The following MGAT5 variants were observed in gnomAD, a reference collection of about 807,000 sequenced individuals.
MGAT5 encodes alpha-1,6-mannosylglycoprotein 6-beta-N-acetylglucosaminyltransferase A.
In MGAT5, 30 loss-of-function variants were observed where a neutral mutation model predicts 94.3. The ratio of observed to expected loss-of-function variants is 0.32; its 90% confidence interval spans 0.24 to 0.43. MGAT5 has a LOEUF of 0.43. Among genes scored for constraint, MGAT5 ranks in the 20% least tolerant of loss-of-function variants. MGAT5 has a pLI of 1.00. For synonymous variants in MGAT5, 310 were observed against 322.9 expected (o/e 0.96, Z 0.43); for missense variants, 691 against 905.5 (o/e 0.76, Z 3.04).
At chr2:134,358,596 G>A (rs893813913) in intron 9 of MGAT5, among the ~76,000 whole-genome samples, 5 of 151,956 alleles carry the variant, frequency 3.3e-5, no homozygotes, top group African/African-American at 7.2e-5. Flanking sequence ...CCAGGCTGGC[G>A]CTGGGGTTTC....
intron 1 of MGAT5, among the ~76,000 whole-genome samples, chr2:134,267,746 T>C (rs888558165): frequency 6.6e-6 from 1 of 152,248 alleles, no homozygotes; most frequent in Non-Finnish European, 1.5e-5. Flanking sequence ...CCCATCAGCA[T>C]TGGCTCATGT....
chr2:134,180,823 C>T (rs1478090104), intron 1 of MGAT5, among the ~76,000 whole-genome samples: 1 of 152,098 alleles, frequency 6.6e-6, no homozygotes, highest in Non-Finnish European at 1.5e-5. Context: ...TGCCCATTTC[C>T]ATGTTTACAG....
chr2:134,145,214 C>CTGTGTGTGTGTGTGTGTGTGTGTG (rs59065013), intron 1 of MGAT5, among the ~76,000 whole-genome samples: 26 of 143,762 alleles, frequency 1.8e-4, no homozygotes, highest in African/African-American at 6.8e-4. Context: ...GTCTCTCTCT[C>CTGTGTGTGTGTGTGTGTGTGTGTG]TGTGTGTGTG....
chr2:134,232,466 A>G (rs1681419125), intron 1 of MGAT5, among the ~76,000 whole-genome samples: 1 of 152,226 alleles, frequency 6.6e-6, no homozygotes, highest in Non-Finnish European at 1.5e-5. Context: ...GCCTTGGGAA[A>G]GGGCTTCTAC....
intron 1 of MGAT5, among the ~76,000 whole-genome samples, chr2:134,265,521 G>A (rs1683658816): frequency 6.6e-6 from 1 of 152,188 alleles, no homozygotes. Flanking sequence ...ATCAAAGAAT[G>A]CTGGCATGAT....
chr2:134,449,202 A>C lies in MGAT5; in HGVS notation c.*355A>C. ...GGAGGAATTGAGCTGATGGGAAAGAACTCTGAATGGGAATATTCCTAAACC... is the reference window on the plus strand; with the variant it reads ...GGAGGAATTGAGCTGATGGGAAAGACCTCTGAATGGGAATATTCCTAAACC... On this transcript the variant is annotated 3_prime_UTR_variant, in exon 16 of 16. Transcript: ENST00000281923. The C allele has an allele frequency of 5.0e-6, 1 of 198,280 alleles. No individual in the cohort carries two copies. The highest frequency in any genetic ancestry group is 9.5e-6 in the Non-Finnish European group (1 of 105,672). The allele number at this position is 198,280 out of a possible 1,614,324, so 12.3% of individuals were successfully genotyped here.
intron 5 of MGAT5, among the ~76,000 whole-genome samples, chr2:134,336,500 T>A (rs960156469): frequency 5.9e-5 from 9 of 152,148 alleles, no homozygotes; most frequent in African/African-American, 2.2e-4. Context: ...GGTTCCTGAA[T>A]GATAGGCTAC....
At chr2:134,437,967 A>G (rs1685261771) in intron 14 of MGAT5, among the ~76,000 whole-genome samples, 2 of 150,824 alleles carry the variant, frequency 1.3e-5, no homozygotes, top group South Asian at 4.2e-4. Context: ...GTGAACCAAG[A>G]TCATGCCACT....
intron 1 of MGAT5, among the ~76,000 whole-genome samples, chr2:134,220,510 G>A (rs1170570315): frequency 6.6e-6 from 1 of 152,212 alleles, no homozygotes; most frequent in Non-Finnish European, 1.5e-5. Context: ...CACCAGGAAG[G>A]CTTCAGTCTG....
intron 1 of MGAT5, among the ~76,000 whole-genome samples, chr2:134,235,621 C>G (rs892899568): frequency 6.6e-6 from 1 of 151,942 alleles, no homozygotes; most frequent in Non-Finnish European, 1.5e-5. Context: ...AATGAATATC[C>G]AAATGGTGTA....
intron 1 of MGAT5, among the ~76,000 whole-genome samples, chr2:134,145,073 A>G (rs1006371185): frequency 6.6e-6 from 1 of 152,182 alleles, no homozygotes; most frequent in East Asian, 1.9e-4. Flanking sequence ...AATCCATCCC[A>G]ACCCCCACCT....
intron 2 of MGAT5, among the ~76,000 whole-genome samples, chr2:134,291,451 GTC>G (rs1434629698): frequency 6.6e-6 from 1 of 152,198 alleles, no homozygotes; most frequent in Non-Finnish European, 1.5e-5. Context: ...AGAAATAAAA[GTC>G]TGTGGTAATT....
intron 1 of MGAT5, among the ~76,000 whole-genome samples, chr2:134,144,509 T>G (rs1191212456): frequency 6.6e-6 from 1 of 152,106 alleles, no homozygotes; most frequent in Non-Finnish European, 1.5e-5. Flanking sequence ...CCTCCAACAC[T>G]GGGGATTACA....
chr2:134,287,573 T>C (rs2105755801), intron 2 of MGAT5, among the ~76,000 whole-genome samples: 1 of 152,322 alleles, frequency 6.6e-6, no homozygotes, highest in South Asian at 2.1e-4. Flanking sequence ...CGTTGGACCC[T>C]AAATGTCTAT....
chr2:134,167,921 T>G (rs1688032797), intron 1 of MGAT5, among the ~76,000 whole-genome samples: 1 of 152,136 alleles, frequency 6.6e-6, no homozygotes, highest in East Asian at 1.9e-4. Flanking sequence ...TGGGGACCAT[T>G]TGTAGGACAG....
At chr2:134,176,554 CAG>C (rs2105144527) in intron 1 of MGAT5, among the ~76,000 whole-genome samples, 1 of 113,318 alleles carries the variant, frequency 8.8e-6, no homozygotes, top group Admixed American at 1.1e-4. Flanking sequence ...GCCTGGGTGA[CAG>C]AGGGAGACTC....
intron 5 of MGAT5, 55 bp from the exon 6 acceptor site, chr2:134,338,204 A>G (rs573668850): frequency 2.1e-6 from 3 of 1,441,550 alleles, no homozygotes; most frequent in African/African-American, 1.4e-5. Context: ...CATGAAAACT[A>G]TTATGCTTTC....
Position 134,330,554 on chromosome 2 carries a change from A to AGTGTGT in MGAT5, c.574-5638_574-5633dup, listed in dbSNP as rs34688054. Among the ~76,000 whole-genome samples the AGTGTGT allele has an allele frequency of 6.6e-3, 981 of 148,576 alleles. 13 individuals are homozygous for AGTGTGT. The highest frequency in any genetic ancestry group is 0.023 in the East Asian group (114 of 5,026). On this transcript the variant is annotated intron_variant, in intron 4 of 15. Coordinates refer to ENST00000281923, the MANE Select transcript of MGAT5 (RefSeq NM_002410.5). ...GGCCCTATGGGGAATTAAATTGTGT[A>AGTGTGT]GTGTGTGTGTGTGTGTGTGTGTGTG...
chr2:134,341,428 G>A (rs1161629232), intron 6 of MGAT5, among the ~76,000 whole-genome samples, 162 bp from the exon 7 acceptor site: 1 of 152,132 alleles, frequency 6.6e-6, no homozygotes, highest in Admixed American at 6.6e-5. Context: ...AATGAAAAAT[G>A]ATTTCCTTCC....
Sources: gnomAD v4.1 joint callset for allele counts (sites outside exome capture counted in the v4.1 genomes callset) on GRCh38, gnomAD v4.1.1 for gene constraint, MANE v1.5 for transcripts, NCBI Gene and HGNC (gene_info 2026-07-23, HGNC 2026-07-21) for gene names.